PLEK2: variants seen among roughly 807,000 people sequenced by gnomAD.
PLEK2 encodes pleckstrin 2.
PLEK2 carries 29 observed loss-of-function variants against 43.8 expected under a neutral mutation model. That is an observed-to-expected ratio of 0.66 (90% CI 0.49 to 0.90). The LOEUF is 0.90. Ranked by LOEUF, PLEK2 falls within the 40% of genes least tolerant of loss-of-function variation. The pLI is 0.00. For missense variants in PLEK2, 398 were observed against 448.1 expected, an observed-to-expected ratio of 0.89 and a Z score of 1.01; for synonymous variants, 162 against 173.2, an observed-to-expected ratio of 0.94 and a Z score of 0.51.
chr14:67,410,453 G>A (rs982766497), intron 1 of PLEK2, among the ~76,000 whole-genome samples: 3 of 152,242 alleles, frequency 2.0e-5, no homozygotes, highest in African/African-American at 7.2e-5. Flanking sequence ...TGTAGTCTGA[G>A]GTGCAGCCAC....
intron 1 of PLEK2, among the ~76,000 whole-genome samples, chr14:67,410,475 G>T (rs8007618): frequency 0.08 from 12,131 of 151,974 alleles, 1,269 homozygotes; most frequent in East Asian, 0.42. Context: ...TCCACATGCT[G>T]CGAGAAACCG....
At chr14:67,409,032 T>C (rs968738891) in intron 1 of PLEK2, among the ~76,000 whole-genome samples, 1 of 131,176 alleles carries the variant, frequency 7.6e-6, no homozygotes, top group Non-Finnish European at 1.6e-5. Flanking sequence ...CTGGGCAACA[T>C]GGTGAGACAT....
At chr14:67,388,130 G>T in intron 8 of PLEK2, 94 bp downstream of exon 8, 1 of 782,140 alleles carries the variant, frequency 1.3e-6, no homozygotes, top group Non-Finnish European at 2.2e-6. Context: ...GCCCTGCTCG[G>T]CTCCCAAAGC....
chr14:67,387,544 G>T, intron 8 of PLEK2, 88 bp from the exon 9 acceptor site: 2 of 1,308,418 alleles, frequency 1.5e-6, no homozygotes, highest in Admixed American at 2.2e-5. Flanking sequence ...ACTGAGACAT[G>T]GACAAAAACA....
Position 67,387,265 on chromosome 14 carries a change from C to A in PLEK2, c.*64G>T, listed in dbSNP as rs1177426468. On this transcript the variant is annotated 3_prime_UTR_variant, in exon 9 of 9. Transcript: ENST00000216446. ...AGTCAAAAGTCTTAACACTCCCATT[C>A]TCCAGGAACTCTTGTCTGTGTCATC... is the stretch of plus-strand genomic sequence containing the variant. The A allele has an allele frequency of 2.0e-6, 3 of 1,522,944 alleles. No individual in the cohort carries two copies. Among genetic ancestry groups the A allele is most frequent in the Non-Finnish European group, 2.7e-6 (3 of 1,124,722 alleles). The allele number at this position is 1,522,944 out of a possible 1,614,324, so 94.3% of individuals were successfully genotyped here. A position where few individuals can be genotyped will look rare whatever the true frequency, so the allele number is the denominator to read the frequency against.
intron 3 of PLEK2, among the ~76,000 whole-genome samples, chr14:67,394,049 T>TC (rs1193442765): frequency 6.6e-6 from 1 of 152,128 alleles, no homozygotes; most frequent in Non-Finnish European, 1.5e-5. Flanking sequence ...GCCTCTCAGC[T>TC]CCCCTTGCAG....
At chr14:67,404,399 G>A (rs978087854) in intron 1 of PLEK2, among the ~76,000 whole-genome samples, 2 of 151,826 alleles carry the variant, frequency 1.3e-5, no homozygotes, top group African/African-American at 2.4e-5. Context: ...GAGGCAGGAG[G>A]ATTGCCCACG....
At chr14:67,398,674 T>C (rs757191260) in intron 1 of PLEK2, among the ~76,000 whole-genome samples, 3 of 151,600 alleles carry the variant, frequency 2.0e-5, no homozygotes, top group Non-Finnish European at 2.9e-5. Flanking sequence ...CCACCTAAAC[T>C]ACTTCCCGAG....
At chr14:67,389,873 T>C (rs1212698708) in intron 7 of PLEK2, among the ~76,000 whole-genome samples, 1 of 152,090 alleles carries the variant, frequency 6.6e-6, no homozygotes, top group African/African-American at 2.4e-5. Flanking sequence ...AACTCCATCC[T>C]GTAGCCAGGC....
At chr14:67,408,995 G>A (rs756264694) in intron 1 of PLEK2, among the ~76,000 whole-genome samples, 5 of 151,236 alleles carry the variant, frequency 3.3e-5, no homozygotes, top group African/African-American at 7.3e-5. Flanking sequence ...TGGGAGGATC[G>A]CTTGAGCCCA....
In PLEK2 at chr14:67,395,517, G is replaced by T. The variant is rs1224247404; in HGVS notation, c.274C>A (p.Arg92=). The change falls in exon 3 of 9, where the codon CGG becomes AGG. Residue 92 remains arginine, a synonymous_variant. Coordinates refer to ENST00000216446, the MANE Select transcript of PLEK2 (RefSeq NM_016445.3). ...YFLEACSREE[R]DAWAFEITGA... is the part of the protein sequence containing the mutation. ...GTGATCTCAAAGGCCCAGGCATCCC[G>T]CTCCTCTCGAGAACAGGCCTCCAGG... The T allele has an allele frequency of 7.4e-6, 12 of 1,613,896 alleles. No individual in the cohort carries two copies. The highest frequency in any genetic ancestry group is 1.0e-5 in the Non-Finnish European group (12 of 1,179,890).
chr14:67,408,295 TAAATAAAATAAAATAAAATAAAATA>T lies in PLEK2; in HGVS notation c.42+3698_42+3722del, dbSNP rs571696195. Among the ~76,000 whole-genome samples, 819 of 116,722 alleles carry T rather than the reference TAAATAAAATAAAATAAAATAAAATA, an allele frequency of 7.0e-3. 17 individuals carry two copies. The highest frequency in any genetic ancestry group is 0.023 in the African/African-American group (651 of 28,738). 76.6% of individuals were successfully genotyped at this position (116,722 alleles called of 152,430 possible). ...GAGCAAAATTCGGTCTCAAAATAAATAAATAAAATAAAATAAAATAAAATAAAATAAAATAAAATAAAATAAAATA... is the reference window on the plus strand; with the variant it reads ...GAGCAAAATTCGGTCTCAAAATAAATAAATAAAATAAAATAAAATAAAATA... On this transcript the variant is annotated intron_variant, in intron 1 of 8. Coordinates refer to ENST00000216446, the MANE Select transcript of PLEK2 (RefSeq NM_016445.3).
intron 1 of PLEK2, among the ~76,000 whole-genome samples, chr14:67,400,306 C>T (rs1016806092): frequency 6.6e-6 from 1 of 152,240 alleles, no homozygotes; most frequent in African/African-American, 2.4e-5. Context: ...TGAGAGGGTT[C>T]ATGCAGTCCA....
chr14:67,397,390 C>A (rs532189330), intron 2 of PLEK2, among the ~76,000 whole-genome samples: 1 of 152,358 alleles, frequency 6.6e-6, no homozygotes, highest in South Asian at 2.1e-4. Flanking sequence ...TGCTCTAATA[C>A]ACCGTGACCT....
At chr14:67,391,271 ATGTGTGTGTGTGTGTGTGTGTG>A (rs61156733) in intron 6 of PLEK2, among the ~76,000 whole-genome samples, 3 of 143,800 alleles carry the variant, frequency 2.1e-5, no homozygotes, top group Non-Finnish European at 4.6e-5. Flanking sequence ...AGCAGCTGAT[ATGTGTGTGTGTGTGTGTGTGTG>A]TGTGTGTGTG....
chr14:67,388,799 T>G (rs971399197), intron 7 of PLEK2, among the ~76,000 whole-genome samples: 1 of 152,020 alleles, frequency 6.6e-6, no homozygotes, highest in South Asian at 2.1e-4. Context: ...CCTGCCTCAG[T>G]CTCCCGAGGA....
At chr14:67,407,638 A>C (rs1595661249) in intron 1 of PLEK2, among the ~76,000 whole-genome samples, 1 of 151,728 alleles carries the variant, frequency 6.6e-6, no homozygotes, top group East Asian at 1.9e-4. Context: ...ATGAGTTCTC[A>C]TTTTGTTGCC....
intron 1 of PLEK2, 96 bp downstream of exon 1, chr14:67,411,922 C>T: frequency 8.6e-7 from 1 of 1,157,408 alleles, no homozygotes; most frequent in Non-Finnish European, 1.2e-6. Flanking sequence ...GGAACCAGAG[C>T]ATGCCCGTTC....
chr14:67,406,337 C>T (rs1314295058), intron 1 of PLEK2, among the ~76,000 whole-genome samples: 24 of 151,798 alleles, frequency 1.6e-4, no homozygotes, highest in African/African-American at 5.8e-4. Context: ...ATGATACAAA[C>T]CCCAAGGAGG....
Sources: allele counts gnomAD v4.1 joint callset (sites outside exome capture counted in the v4.1 genomes callset), GRCh38; gene constraint gnomAD v4.1.1; transcripts MANE v1.5; gene names NCBI Gene and HGNC (gene_info 2026-07-23, HGNC 2026-07-21).